The following RALGAPB variants were observed in gnomAD, a reference collection of about 807,000 sequenced individuals.
RALGAPB encodes ral GTPase-activating protein subunit beta.
In RALGAPB, 25 loss-of-function variants were observed where a neutral mutation model predicts 161.1. The observed-to-expected ratio is 0.16, with a 90% CI of 0.11 to 0.22. RALGAPB has a LOEUF of 0.22. Ranked by LOEUF, RALGAPB falls within the 10% of genes least tolerant of loss-of-function variation. The probability of loss-of-function intolerance (pLI) is 1.00; values close to 1 mark genes in which losing one functional copy is unlikely to be tolerated. For missense variants in RALGAPB, 1,391 were observed against 1,815.2 expected (o/e 0.77, Z 4.25); for synonymous variants, 629 against 626.1 (o/e 1.00, Z -0.07).
rs1023456104 is a variant in RALGAPB, at chr20:38,509,201, A to G, written c.865A>G (p.Met289Val). Residue 289 changes from methionine to valine, a missense_variant, in exon 6 of 30, where the codon ATG (methionine) becomes GTG (valine). Coordinates refer to ENST00000262879, the MANE Select transcript of RALGAPB (RefSeq NM_020336.4). The stretch of plus-strand genomic sequence containing the variant: ...ACAGACATGGTTTCGCTTTTTACAC[A>G]TGTTAAGGTATTGTTATTTTATTAT... The part of the protein sequence containing the change: ...VAQTWFRFLH[M>V]LSNPVDLSNP... 2.3e-5 allele frequency: 37 copies of G among 1,612,794 alleles called. No individual in the cohort carries two copies. Among genetic ancestry groups the G allele is most frequent in the Non-Finnish European group, 3.1e-5 (36 of 1,179,164 alleles).
intron 12 of RALGAPB, among the ~76,000 whole-genome samples, 155 bp downstream of exon 12, chr20:38,525,673 G>T (rs2086440852): frequency 1.3e-5 from 2 of 151,342 alleles, no homozygotes. Flanking sequence ...AAGTTGACTT[G>T]TGATTTTTTT....
Position 38,539,768 on chromosome 20 carries a change from A to G in RALGAPB, c.2380-8A>G. The G allele has an allele frequency of 6.2e-7, 1 of 1,609,444 alleles. No homozygotes were observed. Among genetic ancestry groups the G allele is most frequent in the Non-Finnish European group, 8.5e-7 (1 of 1,176,600 alleles). ...GATTGTTTTTGTTCTCCAAATGAAT[A>G]TGCTCAGGTAAAAGTGATGGTTGAC... On this transcript the variant is annotated splice_polypyrimidine_tract_variant and splice_region_variant and intron_variant, in intron 16 of 29. Coordinates refer to ENST00000262879, the MANE Select transcript of RALGAPB (RefSeq NM_020336.4).
intron 21 of RALGAPB, among the ~76,000 whole-genome samples, chr20:38,553,344 G>A (rs545022784): frequency 2.0e-5 from 3 of 152,266 alleles, no homozygotes; most frequent in African/African-American, 4.8e-5. Context: ...CCATACAGAT[G>A]AGGAATTAAA....
intron 13 of RALGAPB, among the ~76,000 whole-genome samples, chr20:38,526,560 C>G (rs2086477806): frequency 6.6e-6 from 1 of 152,070 alleles, no homozygotes. Flanking sequence ...GTGTTCTTTC[C>G]CTAGATTTTT....
At chr20:38,567,347 T>A (rs983041619) in intron 26 of RALGAPB, 115 bp downstream of exon 26, 3 of 1,311,844 alleles carry the variant, frequency 2.3e-6, no homozygotes, top group Non-Finnish European at 3.0e-6. Flanking sequence ...TACTGATTCC[T>A]TAGTAACTTA....
At position 38,516,301 on chromosome 20, in the gene RALGAPB, C is replaced by T. The variant is rs556665696; in HGVS notation, c.982C>T (p.Leu328Phe). 5.0e-6 allele frequency: 8 copies of T among 1,614,102 alleles called. No homozygotes were observed. In the East Asian group the frequency reaches 1.6e-4, roughly 31 times the overall value. Residue 328 changes from leucine (L) to phenylalanine (F), a missense_variant, in exon 7 of 30, where the codon CTT becomes TTT. Leu to Phe is a conservative substitution (Grantham distance 22). Coordinates refer to ENST00000262879, the MANE Select transcript of RALGAPB (RefSeq NM_020336.4). ...GCAAGAATTGAATCAGTATCCCTGCCTTAAACATCTGCCTCAAATATTTTT... is the reference window on the plus strand; with the variant it reads ...GCAAGAATTGAATCAGTATCCCTGCTTTAAACATCTGCCTCAAATATTTTT... ...MPQELNQYPC[L>F]KHLPQIFFRA...
intron 28 of RALGAPB, among the ~76,000 whole-genome samples, chr20:38,573,041 GACTT>G (rs1440991547): frequency 4.0e-5 from 6 of 151,510 alleles, no homozygotes; most frequent in Admixed American, 6.6e-5. Context: ...AATTAGAAGA[GACTT>G]ACTTATCATT....
At chr20:38,505,749 C>G (rs914312228) in intron 5 of RALGAPB, among the ~76,000 whole-genome samples, 1 of 152,078 alleles carries the variant, frequency 6.6e-6, no homozygotes, top group Non-Finnish European at 1.5e-5. Flanking sequence ...ACCAAAAAAA[C>G]GTGCATGCCT....
chr20:38,519,543 G>A (rs566110922), intron 9 of RALGAPB, among the ~76,000 whole-genome samples: 2 of 152,006 alleles, frequency 1.3e-5, no homozygotes, highest in East Asian at 1.9e-4. Context: ...TGCTCTCCAG[G>A]GAGTTTGTAA....
chr20:38,568,837 A>G (rs1029885863), intron 26 of RALGAPB: 2 of 152,142 alleles, frequency 1.3e-5, no homozygotes, highest in Admixed American at 6.6e-5. Context: ...TGGCAAAGGG[A>G]TCCTGTGGGT....
intron 11 of RALGAPB, 116 bp downstream of exon 11, chr20:38,525,061 T>A: frequency 9.7e-7 from 1 of 1,032,356 alleles, no homozygotes; most frequent in Non-Finnish European, 1.4e-6. Context: ...CCAAGAGAAC[T>A]CAGGCGACAT....
At chr20:38,555,755 T>C (rs1483377166) in intron 22 of RALGAPB, among the ~76,000 whole-genome samples, 1 of 152,210 alleles carries the variant, frequency 6.6e-6, no homozygotes, top group Non-Finnish European at 1.5e-5. Context: ...TATGAGAACA[T>C]AGGAAAAATA....
Position 38,541,105 on chromosome 20 carries a change from A to G in RALGAPB, c.2627A>G (p.Asn876Ser), listed in dbSNP as rs189559722. 3.6e-5 allele frequency: 58 copies of G among 1,614,106 alleles called. No individual in the cohort carries two copies. The African/African-American group carries it at 3.9e-4, about 11-fold the overall frequency. Residue 876 changes from asparagine to serine, a missense_variant, in exon 18 of 30, where the codon AAT (asparagine) becomes AGT (serine). Asn to Ser is a conservative substitution (Grantham distance 46, BLOSUM62 1). Coordinates refer to ENST00000262879, the MANE Select transcript of RALGAPB (RefSeq NM_020336.4). ...ATCTCAGGAAGTAAGTCCAAGAACA[A>G]TGAGCAAGAGGTCAAGTACAAAGGA... ...LGISGSKSKNNEQEVKYKGDK... is the reference protein window; with the variant it reads ...LGISGSKSKNSEQEVKYKGDK...
At chr20:38,553,788 A>AAAC in intron 21 of RALGAPB, 79 bp from the exon 22 acceptor site, 1 of 793,298 alleles carries the variant, frequency 1.3e-6, no homozygotes, top group Non-Finnish European at 1.8e-6. Flanking sequence ...AAAAAAAAAA[A>AAAC]AAAAAAAAAA....
intron 26 of RALGAPB, among the ~76,000 whole-genome samples, chr20:38,567,855 A>G (rs960388776): frequency 3.3e-5 from 5 of 152,336 alleles, no homozygotes; most frequent in Non-Finnish European, 5.9e-5. Flanking sequence ...TTCCTTCCAC[A>G]GTGAAAGTTA....
chr20:38,560,171 A>G (rs1257348709), intron 23 of RALGAPB, among the ~76,000 whole-genome samples: 1 of 152,084 alleles, frequency 6.6e-6, no homozygotes, highest in Non-Finnish European at 1.5e-5. Context: ...CCAGGGTTAT[A>G]GTGCCGAACA....
chr20:38,564,871 C>CTCCTCCTCCTCT lies in RALGAPB; in HGVS notation c.3698-474_3698-463dup, dbSNP rs1323119439. Among the ~76,000 whole-genome samples, 6 of 151,304 alleles carry CTCCTCCTCCTCT rather than the reference C, an allele frequency of 4.0e-5. No individual in the cohort carries two copies. In the Admixed American group the frequency reaches 4.0e-4, roughly 10 times the overall value. On this transcript the variant is annotated intron_variant, in intron 24 of 29. Transcript: ENST00000262879. ...CTTCTCTCTCTCTGTCTCTTCCTCC[C>CTCCTCCTCCTCT]TCCTCCTCCTCTTCCTCCTCCTCTT...
intron 17 of RALGAPB, 101 bp from the exon 18 acceptor site, chr20:38,540,940 C>G: frequency 7.7e-7 from 1 of 1,301,556 alleles, no homozygotes; most frequent in Non-Finnish European, 1.1e-6. Flanking sequence ...AACTGGAGCC[C>G]TTCCACCAAA....
At chr20:38,539,402 CT>C (rs1478410969) in intron 16 of RALGAPB, among the ~76,000 whole-genome samples, 1 of 152,110 alleles carries the variant, frequency 6.6e-6, no homozygotes, top group Non-Finnish European at 1.5e-5. Flanking sequence ...ACAATTATGC[CT>C]CTGAGCAGCT....
Sources: gnomAD v4.1 joint callset for allele counts (sites outside exome capture counted in the v4.1 genomes callset) on GRCh38, gnomAD v4.1.1 for gene constraint, MANE v1.5 for transcripts, NCBI Gene and HGNC (gene_info 2026-07-23, HGNC 2026-07-21) for gene names.